Variants in L3MBTL4 observed in about 807,000 individuals in gnomAD.
The protein encoded by L3MBTL4 is L3MBTL histone methyl-lysine binding protein 4.
L3MBTL4 carries 70 observed loss-of-function variants against 84.5 expected under a neutral mutation model. The ratio of observed to expected loss-of-function variants is 0.83; its 90% CI spans 0.68 to 1.01. The LOEUF (loss-of-function observed/expected upper bound fraction) is 1.01, where lower values mean the gene tolerates loss of function less well. L3MBTL4 is among the 50% of genes least tolerant of loss of function. L3MBTL4 has a pLI of 0.00. For missense variants in L3MBTL4, 715 were observed against 754.8 expected (o/e 0.95, Z 0.62); for synonymous variants, 274 against 259.8 (o/e 1.05, Z -0.52).
chr18:5,979,758 T>C (rs1165740657), intron 16 of L3MBTL4, among the ~76,000 whole-genome samples: 1 of 152,108 alleles, frequency 6.6e-6, no homozygotes, highest in Non-Finnish European at 1.5e-5. Context: ...AAAAGAAGGG[T>C]TGTCTCTTCT....
intron 10 of L3MBTL4, among the ~76,000 whole-genome samples, chr18:6,221,571 G>A (rs2046555050): frequency 6.6e-6 from 1 of 152,164 alleles, no homozygotes; most frequent in Admixed American, 6.6e-5. Flanking sequence ...CAAAGCTAGA[G>A]CCTGTGTCTC....
At chr18:6,158,626 T>A (rs1196143907) in intron 13 of L3MBTL4, among the ~76,000 whole-genome samples, 1 of 152,212 alleles carries the variant, frequency 6.6e-6, no homozygotes, top group Admixed American at 6.5e-5. Context: ...GGAGTGGGCA[T>A]CTATTTATAA....
chr18:6,347,854 T>C (rs959674207), intron 1 of L3MBTL4, among the ~76,000 whole-genome samples: 1 of 151,744 alleles, frequency 6.6e-6, no homozygotes, highest in Non-Finnish European at 1.5e-5. Flanking sequence ...TCATAAGGAT[T>C]GGAAGGGGAA....
At chr18:5,979,398 G>A (rs1598345475) in intron 16 of L3MBTL4, among the ~76,000 whole-genome samples, 1 of 152,156 alleles carries the variant, frequency 6.6e-6, no homozygotes, top group Admixed American at 6.5e-5. Flanking sequence ...AGAATGACAA[G>A]TCTGGGATCA....
chr18:6,150,215 T>C lies in L3MBTL4; in HGVS notation c.1097-11919A>G, dbSNP rs569261041. 4.6e-5 allele frequency among the ~76,000 whole-genome samples: 7 copies of C among 152,258 alleles called. No homozygotes were observed. The South Asian group carries it at 1.2e-3, about 27-fold the overall frequency. On this transcript the variant is annotated intron_variant, in intron 13 of 18. Transcript: ENST00000317931. The stretch of plus-strand genomic sequence containing the variant: ...GTTCTCATAACCAAATATGTATAAA[T>C]ATGAAAGTTACCCATAAGATTGAAA...
At chr18:5,968,522 A>AC (rs1447098104) in intron 17 of L3MBTL4, among the ~76,000 whole-genome samples, 1 of 151,638 alleles carries the variant, frequency 6.6e-6, no homozygotes, top group African/African-American at 2.4e-5. Context: ...ACATAATGAG[A>AC]CCCCGTATCC....
chr18:6,120,939 T>C (rs2059502393), intron 14 of L3MBTL4, among the ~76,000 whole-genome samples: 1 of 152,172 alleles, frequency 6.6e-6, no homozygotes, highest in African/African-American at 2.4e-5. Flanking sequence ...CTGGTGCATG[T>C]CTTTTGGTGA....
At chr18:6,157,153 C>G (rs1486711165) in intron 13 of L3MBTL4, among the ~76,000 whole-genome samples, 1 of 152,108 alleles carries the variant, frequency 6.6e-6, no homozygotes, top group African/African-American at 2.4e-5. Flanking sequence ...TTAAAAAACA[C>G]AATATGCTGT....
At chr18:6,217,503 A>C (rs1466012317) in intron 10 of L3MBTL4, among the ~76,000 whole-genome samples, 1 of 152,192 alleles carries the variant, frequency 6.6e-6, no homozygotes, top group Non-Finnish European at 1.5e-5. Context: ...TGAGTATTTC[A>C]CAATTTATCT....
At chr18:6,255,286 A>G (rs2048089704) in intron 5 of L3MBTL4, among the ~76,000 whole-genome samples, 1 of 152,208 alleles carries the variant, frequency 6.6e-6, no homozygotes, top group African/African-American at 2.4e-5. Context: ...ACTGCAGATA[A>G]GCAGCCTGTT....
chr18:6,198,160 C>T (rs2045490435), intron 12 of L3MBTL4, among the ~76,000 whole-genome samples: 1 of 152,190 alleles, frequency 6.6e-6, no homozygotes, highest in South Asian at 2.1e-4. Flanking sequence ...CATATCTTCA[C>T]AATGAAAAGG....
chr18:6,049,373 A>G (rs1390021777), intron 16 of L3MBTL4, among the ~76,000 whole-genome samples: 2 of 152,242 alleles, frequency 1.3e-5, no homozygotes, highest in African/African-American at 4.8e-5. Context: ...TCCAGAATCT[A>G]TAAGGAACTT....
chr18:6,403,071 T>TGCTA (rs1476712327), intron 1 of L3MBTL4, among the ~76,000 whole-genome samples: 3 of 152,230 alleles, frequency 2.0e-5, no homozygotes, highest in Non-Finnish European at 2.9e-5. Flanking sequence ...GGGCCAATGC[T>TGCTA]GCTAGCATTC....
chr18:6,306,309 T>A (rs1385608870), intron 3 of L3MBTL4, among the ~76,000 whole-genome samples: 1 of 152,232 alleles, frequency 6.6e-6, no homozygotes, highest in African/African-American at 2.4e-5. Flanking sequence ...TCAGGGAGAA[T>A]GAAATACTTC....
intron 13 of L3MBTL4, among the ~76,000 whole-genome samples, chr18:6,150,767 G>A (rs1413403742): frequency 1.3e-5 from 2 of 152,134 alleles, no homozygotes; most frequent in Non-Finnish European, 2.9e-5. Context: ...GCTGCCCCAA[G>A]GGAGCTTCTT....
At chr18:6,181,157 ATT>A (rs111379337) in intron 12 of L3MBTL4, among the ~76,000 whole-genome samples, 3 of 143,558 alleles carry the variant, frequency 2.1e-5, no homozygotes, top group African/African-American at 5.1e-5. Context: ...GGTGAGGACA[ATT>A]TTTTTTTTTT....
At chr18:6,042,578 A>G (rs185768312) in intron 16 of L3MBTL4, among the ~76,000 whole-genome samples, 33 of 152,284 alleles carry the variant, frequency 2.2e-4, no homozygotes, top group Non-Finnish European at 4.7e-4. Flanking sequence ...TTTCCGTCCT[A>G]CATGAGCCCT....
At chr18:6,041,552 G>T (rs977464198) in intron 16 of L3MBTL4, among the ~76,000 whole-genome samples, 1 of 148,618 alleles carries the variant, frequency 6.7e-6, no homozygotes, top group Non-Finnish European at 1.5e-5. Context: ...AATGGCAGTC[G>T]GGAAGAGCCT....
chr18:6,131,975 G>T (rs1226438001), intron 14 of L3MBTL4, among the ~76,000 whole-genome samples: 1 of 152,022 alleles, frequency 6.6e-6, no homozygotes, highest in Non-Finnish European at 1.5e-5. Flanking sequence ...TTGATTAACT[G>T]GGTAAAAAAC....
Sources: gnomAD v4.1 joint callset for allele counts (sites outside exome capture counted in the v4.1 genomes callset) on GRCh38, gnomAD v4.1.1 for gene constraint, MANE v1.5 for transcripts, NCBI Gene and HGNC (gene_info 2026-07-23, HGNC 2026-07-21) for gene names.